Variants in SGCZ observed in about 807,000 individuals in gnomAD.
SGCZ encodes zeta-sarcoglycan.
SGCZ carries 40 observed loss-of-function variants against 41.3 expected under a neutral mutation model. That is an observed-to-expected ratio of 0.97 (90% CI 0.75 to 1.26). SGCZ has a LOEUF of 1.26. Ranked by LOEUF, SGCZ falls within the 50% of genes most tolerant of loss-of-function variation. The pLI is 0.00. For synonymous variants in SGCZ, 206 were observed against 137.5 expected, an observed-to-expected ratio of 1.50 and a Z score of -3.49; for missense variants, 552 against 369.8, an observed-to-expected ratio of 1.49 and a Z score of -4.04.
chr8:15,029,683 G>C (rs1287503568), intron 1 of SGCZ, among the ~76,000 whole-genome samples: 1 of 151,990 alleles, frequency 6.6e-6, no homozygotes, highest in East Asian at 1.9e-4. Context: ...GTCCATTGTA[G>C]AATAAGAAAA....
At chr8:14,217,926 C>T (rs966908935) in intron 4 of SGCZ, among the ~76,000 whole-genome samples, 5 of 151,896 alleles carry the variant, frequency 3.3e-5, no homozygotes, top group African/African-American at 7.3e-5. Flanking sequence ...CCACCACGCC[C>T]GGCCAACTAA....
chr8:14,157,397 C>G lies in SGCZ; in HGVS notation c.547+7183G>C, dbSNP rs1022096523. ...GTGTGTGTGTGTGTGTGTGTGTATG[C>G]TCAGCCCATAGAAGCATCTCCCAAC... On this transcript the variant is annotated intron_variant, in intron 5 of 7. Coordinates refer to ENST00000382080, the MANE Select transcript of SGCZ (RefSeq NM_139167.4). Among the ~76,000 whole-genome samples, 17 of 143,758 alleles carry G rather than the reference C, an allele frequency of 1.2e-4. No individual in the cohort carries two copies. In the East Asian group the frequency reaches 2.8e-3, roughly 24 times the overall value. 94.3% of individuals were successfully genotyped at this position (143,758 alleles called of 152,430 possible).
chr8:14,575,085 G>C (rs980285359), intron 1 of SGCZ, among the ~76,000 whole-genome samples: 3 of 152,120 alleles, frequency 2.0e-5, no homozygotes, highest in Non-Finnish European at 2.9e-5. Flanking sequence ...CTTTGAATTA[G>C]AGCAAACTGA....
intron 3 of SGCZ, among the ~76,000 whole-genome samples, chr8:14,252,642 G>A (rs764484679): frequency 2.0e-5 from 3 of 152,086 alleles, no homozygotes; most frequent in African/African-American, 7.2e-5. Flanking sequence ...CTAAGTCCTA[G>A]AGATGAGTAC....
At chr8:15,071,947 G>T (rs1375225397) in intron 1 of SGCZ, among the ~76,000 whole-genome samples, 1 of 152,134 alleles carries the variant, frequency 6.6e-6, no homozygotes, top group African/African-American at 2.4e-5. Flanking sequence ...CTTCTTTCCG[G>T]AAACTTGTCT....
intron 1 of SGCZ, among the ~76,000 whole-genome samples, chr8:15,153,522 C>G (rs967908671): frequency 6.6e-6 from 1 of 152,086 alleles, no homozygotes; most frequent in Non-Finnish European, 1.5e-5. Flanking sequence ...AATGTAACCC[C>G]CAATGATGGA....
At chr8:14,328,265 T>C (rs1314039746) in intron 2 of SGCZ, among the ~76,000 whole-genome samples, 2 of 152,206 alleles carry the variant, frequency 1.3e-5, no homozygotes, top group Non-Finnish European at 2.9e-5. Flanking sequence ...TTATTTTTAG[T>C]GTCTGATGAT....
chr8:14,363,109 G>C (rs914816118), intron 2 of SGCZ, among the ~76,000 whole-genome samples: 1 of 151,532 alleles, frequency 6.6e-6, no homozygotes, highest in African/African-American at 2.4e-5. Context: ...CCTAATCTGG[G>C]GTCTAAATGC....
intron 4 of SGCZ, among the ~76,000 whole-genome samples, chr8:14,223,974 T>C (rs1806289447): frequency 6.6e-6 from 1 of 152,174 alleles, no homozygotes; most frequent in Non-Finnish European, 1.5e-5. Flanking sequence ...TATTAAAATG[T>C]TCATTTTATG....
intron 1 of SGCZ, 29 bp downstream of exon 1, chr8:15,237,555 GC>G: frequency 6.3e-7 from 1 of 1,582,736 alleles, no homozygotes; most frequent in Non-Finnish European, 8.6e-7. Context: ...CCGAGAAGCG[GC>G]CGCGAAGCCC....
intron 1 of SGCZ, among the ~76,000 whole-genome samples, chr8:14,695,611 G>T (rs1808933605): frequency 6.6e-6 from 1 of 151,972 alleles, no homozygotes; most frequent in African/African-American, 2.4e-5. Context: ...TGGCTAGAGA[G>T]TTTGATTATA....
chr8:14,187,747 T>G (rs1804953571), intron 4 of SGCZ, among the ~76,000 whole-genome samples: 1 of 150,934 alleles, frequency 6.6e-6, no homozygotes, highest in South Asian at 2.1e-4. Flanking sequence ...AATACCGGAG[T>G]AGAGGAAAGG....
At chr8:14,850,394 G>A (rs1400580104) in intron 1 of SGCZ, among the ~76,000 whole-genome samples, 1 of 152,136 alleles carries the variant, frequency 6.6e-6, no homozygotes, top group Non-Finnish European at 1.5e-5. Context: ...ACAATACTCA[G>A]TAACTAGAAA....
In SGCZ at chr8:14,147,385, A is replaced by T. The variant is rs116916243; in HGVS notation, c.547+17195T>A. On this transcript the variant is annotated intron_variant, in intron 5 of 7. Coordinates refer to ENST00000382080, the MANE Select transcript of SGCZ (RefSeq NM_139167.4). ...GGTATGGAAAAAGATATTCCATGCC[A>T]ATAAAAACCAAAAAAGTGCAGGAGT... 3.3e-3 allele frequency among the ~76,000 whole-genome samples: 507 copies of T among 152,280 alleles called. 8 individuals are homozygous for T. The highest frequency in any genetic ancestry group is 0.015 in the East Asian group (80 of 5,178).
intron 2 of SGCZ, among the ~76,000 whole-genome samples, chr8:14,432,445 C>G (rs1056271799): frequency 1.3e-5 from 2 of 152,124 alleles, no homozygotes; most frequent in Non-Finnish European, 2.9e-5. Flanking sequence ...ACTAAACAAC[C>G]TATGCTCTCA....
chr8:14,940,255 A>G lies in SGCZ; in HGVS notation c.39+297330T>C, dbSNP rs187785865. Among the ~76,000 whole-genome samples the G allele has an allele frequency of 1.4e-3, 209 of 152,262 alleles. 1 individual carries two copies. Among genetic ancestry groups the G allele is most frequent in the African/African-American group, 4.8e-3 (198 of 41,570 alleles). ...AATTACATAGCAGTAACATGCCCAC[A>G]TTTAACTATAGCTACAGTGACAAAA... On this transcript the variant is annotated intron_variant, in intron 1 of 7. Transcript: ENST00000382080.
At chr8:14,437,312 A>C (rs1026792278) in intron 2 of SGCZ, among the ~76,000 whole-genome samples, 9 of 152,136 alleles carry the variant, frequency 5.9e-5, no homozygotes, top group African/African-American at 2.2e-4. Flanking sequence ...AACTTTAATA[A>C]ATTACCACTT....
intron 1 of SGCZ, among the ~76,000 whole-genome samples, chr8:14,724,979 C>G (rs184079216): frequency 3.9e-5 from 6 of 152,124 alleles, no homozygotes; most frequent in Admixed American, 3.3e-4. Context: ...TAACCCCCAC[C>G]AACACCACTT....
At position 14,850,427 on chromosome 8, in the gene SGCZ, G is replaced by C. The variant is rs965047691; in HGVS notation, c.40-295501C>G. Among the ~76,000 whole-genome samples the C allele has an allele frequency of 7.9e-5, 12 of 152,094 alleles. 1 individual carries two copies. The highest frequency in any genetic ancestry group is 6.6e-4 in the Admixed American group (10 of 15,266). ...AAAGACAGAAGATGGAGAAAACAAAGGGATGGTTAGTTTTGATTGGCGAGA... is the reference window on the plus strand; with the variant it reads ...AAAGACAGAAGATGGAGAAAACAAACGGATGGTTAGTTTTGATTGGCGAGA... On this transcript the variant is annotated intron_variant, in intron 1 of 7. Transcript: ENST00000382080.
Sources: allele counts gnomAD v4.1 joint callset (sites outside exome capture counted in the v4.1 genomes callset), GRCh38; gene constraint gnomAD v4.1.1; transcripts MANE v1.5; gene names NCBI Gene and HGNC (gene_info 2026-07-23, HGNC 2026-07-21).